Variants in PLA2G4A observed in about 807,000 individuals in gnomAD.
The protein encoded by PLA2G4A is cytosolic phospholipase A2.
A neutral mutation model predicts 81.9 loss-of-function variants in PLA2G4A; 40 were observed. The ratio of observed to expected loss-of-function variants is 0.49; its 90% CI spans 0.38 to 0.64. PLA2G4A has a LOEUF of 0.64. Ranked by LOEUF, PLA2G4A falls within the 30% of genes least tolerant of loss-of-function variation. PLA2G4A has a pLI of 0.00. For missense variants in PLA2G4A, 715 were observed against 905.1 expected (o/e 0.79, Z 2.69); for synonymous variants, 302 against 296.9 (o/e 1.02, Z -0.18).
chr1:186,916,919 T>C (rs1654222623), intron 7 of PLA2G4A, among the ~76,000 whole-genome samples: 1 of 152,194 alleles, frequency 6.6e-6, no homozygotes, highest in African/African-American at 2.4e-5. Context: ...ATGATAATTT[T>C]CCTCATGCTT....
intron 14 of PLA2G4A, among the ~76,000 whole-genome samples, chr1:186,960,248 A>T (rs1656899351): frequency 6.6e-6 from 1 of 152,254 alleles, no homozygotes; most frequent in Non-Finnish European, 1.5e-5. Context: ...CACCATCTGG[A>T]AATAAGAAAT....
At chr1:186,892,448 A>T (rs1424995929) in intron 3 of PLA2G4A, among the ~76,000 whole-genome samples, 1 of 152,154 alleles carries the variant, frequency 6.6e-6, no homozygotes, top group Non-Finnish European at 1.5e-5. Flanking sequence ...TTAAATTTTT[A>T]ATCCATTTTT....
At chr1:186,874,419 G>C (rs1018702360) in intron 3 of PLA2G4A, among the ~76,000 whole-genome samples, 8 of 151,994 alleles carry the variant, frequency 5.3e-5, no homozygotes, top group Non-Finnish European at 8.8e-5. Flanking sequence ...GATAATGGAG[G>C]CTAGCCTTAA....
chr1:186,846,990 A>C (rs1208999672), intron 1 of PLA2G4A, among the ~76,000 whole-genome samples: 1 of 151,950 alleles, frequency 6.6e-6, no homozygotes, highest in Non-Finnish European at 1.5e-5. Context: ...TCCTTTTTGC[A>C]ATTATTGTTG....
intron 3 of PLA2G4A, among the ~76,000 whole-genome samples, chr1:186,874,992 G>A (rs1409609548): frequency 2.6e-5 from 4 of 152,036 alleles, no homozygotes; most frequent in Admixed American, 2.6e-4. Context: ...TCCACAAACA[G>A]TGCTTCTTAA....
intron 17 of PLA2G4A, among the ~76,000 whole-genome samples, chr1:186,985,237 T>C (rs1557904934): frequency 6.6e-6 from 1 of 152,180 alleles, no homozygotes; most frequent in Non-Finnish European, 1.5e-5. Flanking sequence ...ACTCAACTGG[T>C]CTCACTGTTC....
At chr1:186,853,117 A>T (rs1571334610) in intron 1 of PLA2G4A, among the ~76,000 whole-genome samples, 1 of 151,932 alleles carries the variant, frequency 6.6e-6, no homozygotes, top group African/African-American at 2.4e-5. Flanking sequence ...AACGGGGGGA[A>T]TCCTTATTTT....
At chr1:186,865,091 C>CATATATAT (rs34405767) in intron 2 of PLA2G4A, among the ~76,000 whole-genome samples, 31 of 147,114 alleles carry the variant, frequency 2.1e-4, no homozygotes, top group African/African-American at 7.2e-4. Context: ...AAAATATATA[C>CATATATAT]ATATATATAT....
At chr1:186,912,752 A>T (rs919607925) in intron 7 of PLA2G4A, among the ~76,000 whole-genome samples, 1 of 119,956 alleles carries the variant, frequency 8.3e-6, no homozygotes, top group East Asian at 2.4e-4. Flanking sequence ...ATATATATGT[A>T]TATATATACA....
At chr1:186,859,178 A>G (rs900999997) in intron 2 of PLA2G4A, among the ~76,000 whole-genome samples, 3 of 152,100 alleles carry the variant, frequency 2.0e-5, no homozygotes, top group Admixed American at 1.3e-4. Flanking sequence ...ATGCAGGGAC[A>G]TGTTGGAGAA....
intron 7 of PLA2G4A, among the ~76,000 whole-genome samples, chr1:186,918,647 G>A (rs972448092): frequency 2.0e-5 from 3 of 152,202 alleles, no homozygotes; most frequent in African/African-American, 2.4e-5. Flanking sequence ...GGCTGGTCCC[G>A]AAGGTCAGGT....
At chr1:186,974,096 A>G (rs1429428047) in intron 15 of PLA2G4A, among the ~76,000 whole-genome samples, 3 of 151,604 alleles carry the variant, frequency 2.0e-5, no homozygotes, top group African/African-American at 7.3e-5. Flanking sequence ...GTGTTGTTTC[A>G]TATATTTAAA....
intron 2 of PLA2G4A, among the ~76,000 whole-genome samples, chr1:186,866,637 A>G (rs1343323699): frequency 6.6e-6 from 1 of 152,148 alleles, no homozygotes; most frequent in Non-Finnish European, 1.5e-5. Flanking sequence ...CAACTTCAAA[A>G]ATCAAATATT....
rs997191590 is a variant in PLA2G4A, at chr1:186,965,586, C to T, written c.1757C>T (p.Pro586Leu). 3.1e-6 allele frequency: 5 copies of T among 1,607,388 alleles called. No individual in the cohort carries two copies. Among genetic ancestry groups the T allele is most frequent in the Middle Eastern group, 1.7e-4 (1 of 6,050 alleles). The change falls in exon 15 of 18, where the codon CCG (proline) becomes CTG (leucine). Residue 586 changes from proline to leucine, a missense_variant. Transcript: ENST00000367466. ...GCAAGGCCAAGTGACTCTAGTCCTC[C>T]GTTCAAGGTAAGGATACATAATACA... The part of the protein sequence containing the change: ...FSARPSDSSP[P>L]FKELLLAEKW...
intron 1 of PLA2G4A, among the ~76,000 whole-genome samples, chr1:186,847,539 A>G (rs776719342): frequency 3.3e-5 from 5 of 152,160 alleles, no homozygotes; most frequent in Non-Finnish European, 5.9e-5. Context: ...ACCTTAAGCC[A>G]TAAGATTTAA....
At chr1:186,903,612 C>T (rs1199356806) in intron 5 of PLA2G4A, among the ~76,000 whole-genome samples, 1 of 152,096 alleles carries the variant, frequency 6.6e-6, no homozygotes, top group African/African-American at 2.4e-5. Flanking sequence ...GGAGCATGAA[C>T]CCTATTGTGA....
At chr1:186,846,731 T>G (rs1433335264) in intron 1 of PLA2G4A, among the ~76,000 whole-genome samples, 1 of 152,182 alleles carries the variant, frequency 6.6e-6, no homozygotes, top group Non-Finnish European at 1.5e-5. Flanking sequence ...TCATCTTCCA[T>G]TTTGCTGTTT....
At chr1:186,843,541 G>A (rs543498680) in intron 1 of PLA2G4A, among the ~76,000 whole-genome samples, 24 of 152,320 alleles carry the variant, frequency 1.6e-4, no homozygotes, top group African/African-American at 4.3e-4. Flanking sequence ...AGACTGACAC[G>A]TGTATAATGG....
chr1:186,880,515 C>T (rs912852958), intron 3 of PLA2G4A, among the ~76,000 whole-genome samples: 2 of 151,802 alleles, frequency 1.3e-5, no homozygotes, highest in African/African-American at 2.4e-5. Context: ...TTGTCAAAAT[C>T]GGGTATTTCT....
Sources: allele counts gnomAD v4.1 joint callset (sites outside exome capture counted in the v4.1 genomes callset), GRCh38; gene constraint gnomAD v4.1.1; transcripts MANE v1.5; gene names NCBI Gene and HGNC (gene_info 2026-07-23, HGNC 2026-07-21).